Variants in TXNDC16 observed in about 807,000 individuals in gnomAD.
TXNDC16 encodes the protein thioredoxin domain containing 16.
Under a neutral mutation model 85.6 loss-of-function variants are expected in TXNDC16, and 74 were observed. That is an observed-to-expected ratio of 0.86 (90% confidence interval 0.72 to 1.05). The LOEUF (loss-of-function observed/expected upper bound fraction) is 1.05, where lower values mean the gene tolerates loss of function less well. TXNDC16 is among the 50% of genes least tolerant of loss of function. The pLI, the probability that TXNDC16 is intolerant of heterozygous loss-of-function variation, is 0.00. For missense variants in TXNDC16, 959 were observed against 947.0 expected (o/e 1.01, Z -0.17); for synonymous variants, 335 against 326.5 (o/e 1.03, Z -0.28).
intron 6 of TXNDC16, among the ~76,000 whole-genome samples, chr14:52,523,257 A>AT (rs1186733166): frequency 6.6e-6 from 1 of 152,034 alleles, no homozygotes; most frequent in Non-Finnish European, 1.5e-5. Flanking sequence ...AAAGGCCTTC[A>AT]TTTTCTTTGG....
intron 6 of TXNDC16, among the ~76,000 whole-genome samples, chr14:52,529,416 T>C (rs1431913344): frequency 1.3e-5 from 2 of 150,604 alleles, no homozygotes; most frequent in Non-Finnish European, 3.0e-5. Flanking sequence ...GACACAGGTA[T>C]ACATATGTAA....
At chr14:52,492,297 G>A (rs1040077996) in intron 9 of TXNDC16, among the ~76,000 whole-genome samples, 3 of 152,046 alleles carry the variant, frequency 2.0e-5, no homozygotes, top group Non-Finnish European at 4.4e-5. Flanking sequence ...CCTTTTTGGG[G>A]GACTGAGTAA....
Position 52,432,506 on chromosome 14 carries a change from C to T in TXNDC16, c.2276G>A (p.Arg759His), listed in dbSNP as rs199792826. 9 of 1,613,924 alleles carry T rather than the reference C, an allele frequency of 5.6e-6. No homozygotes were observed. Among genetic ancestry groups the T allele is most frequent in the Middle Eastern group, 1.7e-4 (1 of 6,058 alleles). ...ACACTTGGGAACTTTCCTAGTGCCACGTTGAGATGTTGCGGCATCTATCAT... is the reference window on the plus strand; with the variant it reads ...ACACTTGGGAACTTTCCTAGTGCCATGTTGAGATGTTGCGGCATCTATCAT... ...LSMIDAATSQ[R>H]GTRKVPKCMK... The change falls in exon 21 of 21, where the codon CGT (arginine) becomes CAT (histidine). Residue 759 changes from arginine to histidine, a missense_variant. Coordinates refer to ENST00000281741, the MANE Select transcript of TXNDC16 (RefSeq NM_020784.3).
intron 6 of TXNDC16, among the ~76,000 whole-genome samples, chr14:52,529,330 G>C (rs1434186174): frequency 6.7e-6 from 1 of 149,406 alleles, no homozygotes; most frequent in Non-Finnish European, 1.5e-5. Context: ...TGTGGGGTGG[G>C]AGGAGGGGGG....
At chr14:52,470,441 G>C (rs769416493) in intron 15 of TXNDC16, 71 bp downstream of exon 15, 2 of 1,481,606 alleles carry the variant, frequency 1.3e-6, no homozygotes, top group Non-Finnish European at 1.8e-6. Flanking sequence ...TTAAGTGTTA[G>C]CAAAGTCTGA....
At chr14:52,466,218 C>A (rs761133846) in intron 16 of TXNDC16, among the ~76,000 whole-genome samples, 1 of 150,510 alleles carries the variant, frequency 6.6e-6, no homozygotes, top group Non-Finnish European at 1.5e-5. Context: ...AACCATAGAA[C>A]CCCATCTCTA....
At chr14:52,498,679 T>A (rs1478556577) in intron 9 of TXNDC16, among the ~76,000 whole-genome samples, 2 of 151,948 alleles carry the variant, frequency 1.3e-5, no homozygotes, top group African/African-American at 2.4e-5. Flanking sequence ...AAGACATAAA[T>A]AAATGGAAAG....
rs547509546 is a variant in TXNDC16 at position 52,547,056 on chromosome 14, G to C, written c.-181-2685C>G. Among the ~76,000 whole-genome samples the C allele has an allele frequency of 3.9e-5, 6 of 152,344 alleles. No individual in the cohort carries two copies. In the East Asian group the frequency reaches 9.6e-4, roughly 24 times the overall value. On this transcript the variant is annotated intron_variant, in intron 1 of 20. Transcript: ENST00000281741. ...GATAGATTAGTACTGTGTGATGGTT[G>C]CTGTTGGTGGTGTTTAACAAGGTAT...
At chr14:52,489,905 T>C (rs1261222237) in intron 11 of TXNDC16, among the ~76,000 whole-genome samples, 2 of 152,186 alleles carry the variant, frequency 1.3e-5, no homozygotes, top group African/African-American at 4.8e-5. Flanking sequence ...GGCACAATCA[T>C]GGCTCACTGC....
At chr14:52,444,793 A>C (rs2140105401) in intron 18 of TXNDC16, among the ~76,000 whole-genome samples, 1 of 152,226 alleles carries the variant, frequency 6.6e-6, no homozygotes, top group South Asian at 2.1e-4. Context: ...AAGTGGGCCT[A>C]CTCTTTGGAC....
At chr14:52,470,214 GAT>G (rs771965272) in intron 15 of TXNDC16, 41 bp from the exon 16 acceptor site, 2 of 1,439,858 alleles carry the variant, frequency 1.4e-6, no homozygotes, top group South Asian at 1.4e-5. Flanking sequence ...AATTTTTTAA[GAT>G]ATTTTCAGTT....
intron 13 of TXNDC16, 63 bp from the exon 14 acceptor site, chr14:52,482,352 A>G (rs1319999185): frequency 3.0e-6 from 4 of 1,325,654 alleles, no homozygotes; most frequent in Non-Finnish European, 4.3e-6. Flanking sequence ...CCACACTGAT[A>G]TGTAACAAAT....
chr14:52,470,808 T>G, intron 14 of TXNDC16, 128 bp from the exon 15 acceptor site: 1 of 767,966 alleles, frequency 1.3e-6, no homozygotes, highest in Non-Finnish European at 2.0e-6. Flanking sequence ...GCTTAAACAC[T>G]CTCTTCCCTT....
chr14:52,467,906 C>T (rs1279096011), intron 16 of TXNDC16, among the ~76,000 whole-genome samples: 1 of 152,120 alleles, frequency 6.6e-6, no homozygotes, highest in East Asian at 1.9e-4. Context: ...CAATGGAATA[C>T]TATTCGGCCT....
chr14:52,453,604 C>T (rs879605617), intron 18 of TXNDC16, among the ~76,000 whole-genome samples: 4 of 152,166 alleles, frequency 2.6e-5, no homozygotes, highest in Admixed American at 6.5e-5. Context: ...CATGTTCTCA[C>T]TTATCTGTGG....
intron 4 of TXNDC16, among the ~76,000 whole-genome samples, chr14:52,540,051 A>G (rs949676339): frequency 4.6e-5 from 7 of 152,190 alleles, no homozygotes; most frequent in African/African-American, 9.7e-5. Context: ...TCCGAATTCA[A>G]TCTTATGGAA....
Position 52,490,849 on chromosome 14 carries a change from G to C in TXNDC16, c.913C>G (p.Leu305Val), listed in dbSNP as rs778427628. The C allele has an allele frequency of 6.2e-7, 1 of 1,611,168 alleles. No individual in the cohort carries two copies. Residue 305 changes from leucine to valine, a missense_variant, in exon 10 of 21, where the codon CTC becomes GTC. Coordinates refer to ENST00000281741, the MANE Select transcript of TXNDC16 (RefSeq NM_020784.3). Reference protein sequence around the residue: ...WRLLGKAGVLLLLRDSLEVNI... With the variant: ...WRLLGKAGVLVLLRDSLEVNI... ...CGATGTTTAAGATACCTTAACAAGA[G>C]TAGAACTCCTGCTTTTCCCAGAAGA...
chr14:52,496,627 G>C (rs748622783), intron 9 of TXNDC16, among the ~76,000 whole-genome samples: 1 of 134,424 alleles, frequency 7.4e-6, no homozygotes, highest in Non-Finnish European at 1.6e-5. Context: ...TTTTTTTTGA[G>C]ACAGAGTCTC....
intron 14 of TXNDC16, among the ~76,000 whole-genome samples, chr14:52,474,399 C>T (rs1355605738): frequency 6.6e-6 from 1 of 152,144 alleles, no homozygotes; most frequent in Non-Finnish European, 1.5e-5. Flanking sequence ...TTGCAACTTG[C>T]CTTGCATAAA....
Sources: gnomAD v4.1 joint callset for allele counts (sites outside exome capture counted in the v4.1 genomes callset) on GRCh38, gnomAD v4.1.1 for gene constraint, MANE v1.5 for transcripts, NCBI Gene and HGNC (gene_info 2026-07-23, HGNC 2026-07-21) for gene names.